Variants in GLI3 observed in about 807,000 individuals in gnomAD.
GLI3 encodes transcription activator GLI3.
Under a neutral mutation model 100.8 loss-of-function variants are expected in GLI3, and 20 were observed. That is an observed-to-expected ratio of 0.20 (90% CI 0.14 to 0.29). GLI3 has a LOEUF of 0.29. Among genes scored for constraint, GLI3 ranks in the 10% least tolerant of loss-of-function variants. The probability of loss-of-function intolerance (pLI) is 1.00; values close to 1 mark genes in which losing one functional copy is unlikely to be tolerated. For missense variants in GLI3, 2,040 were observed against 2,128.5 expected (o/e 0.96, Z 0.82); for synonymous variants, 938 against 860.5 (o/e 1.09, Z -1.58).
intron 14 of GLI3, 97 bp downstream of exon 14, chr7:41,967,499 C>T: frequency 1.2e-6 from 1 of 852,816 alleles, no homozygotes; most frequent in South Asian, 1.5e-5. Flanking sequence ...CATTTTAGGA[C>T]TGGTGGAGAA....
chr7:42,150,868 C>T (rs1260987011), intron 2 of GLI3, among the ~76,000 whole-genome samples: 1 of 152,136 alleles, frequency 6.6e-6, no homozygotes, highest in Non-Finnish European at 1.5e-5. Context: ...AGACTCTTCC[C>T]ACCATTCCCC....
chr7:42,026,648 A>G (rs1324475703), intron 7 of GLI3, among the ~76,000 whole-genome samples: 3 of 152,222 alleles, frequency 2.0e-5, no homozygotes, highest in Admixed American at 6.5e-5. Flanking sequence ...TTCTGCAAAA[A>G]CGGAAATAAA....
intron 2 of GLI3, among the ~76,000 whole-genome samples, chr7:42,216,686 T>TA (rs757849409): frequency 2.0e-4 from 30 of 152,162 alleles, no homozygotes; most frequent in Non-Finnish European, 4.0e-4. Flanking sequence ...ATTTTAAAAA[T>TA]AAAAAAATCT....
intron 4 of GLI3, among the ~76,000 whole-genome samples, chr7:42,054,378 T>G (rs941801254): frequency 6.6e-6 from 1 of 152,192 alleles, no homozygotes; most frequent in Non-Finnish European, 1.5e-5. Flanking sequence ...CATTACCCAT[T>G]ATGAGAGCAT....
chr7:42,127,894 C>T (rs1354983599), intron 3 of GLI3, among the ~76,000 whole-genome samples: 1 of 151,720 alleles, frequency 6.6e-6, no homozygotes, highest in African/African-American at 2.4e-5. Flanking sequence ...TGCCTGTGGT[C>T]CCAGCTACTC....
chr7:42,120,780 T>A (rs1489984064), intron 3 of GLI3, among the ~76,000 whole-genome samples: 1 of 152,238 alleles, frequency 6.6e-6, no homozygotes, highest in African/African-American at 2.4e-5. Context: ...TCTGATTTAA[T>A]CTTGTAAAGC....
chr7:42,174,880 C>T (rs546001464), intron 2 of GLI3, among the ~76,000 whole-genome samples: 1 of 152,172 alleles, frequency 6.6e-6, no homozygotes, highest in Non-Finnish European at 1.5e-5. Context: ...AACGTGGAAA[C>T]AGCAGTGGGC....
At chr7:42,211,020 G>C (rs1788261706) in intron 2 of GLI3, among the ~76,000 whole-genome samples, 1 of 152,258 alleles carries the variant, frequency 6.6e-6, no homozygotes, top group Non-Finnish European at 1.5e-5. Flanking sequence ...CATGTAGACA[G>C]ACAACTGAGA....
chr7:42,263,446 T>A (rs1375364017), intron 1 of GLI3, among the ~76,000 whole-genome samples: 2 of 62,250 alleles, frequency 3.2e-5, no homozygotes, highest in South Asian at 5.0e-4. Context: ...TACCTTATTT[T>A]ATTTATTTTT....
chr7:42,223,215 C>T lies in GLI3; in HGVS notation c.39G>A (p.Lys13=). The T allele has an allele frequency of 6.2e-7, 1 of 1,613,766 alleles. No homozygotes were observed. The highest frequency in any genetic ancestry group is 8.5e-7 in the Non-Finnish European group (1 of 1,179,850). ...TCACTATGGAATTCTCAACTTTTTT[C>T]TTTTCAGTGGTCGTGGAGCTGTGGG... ...AQSHSSTTTE[K]KKVENSIVKC... is the part of the protein sequence containing the mutation. The change falls in exon 2 of 15, where the codon AAG becomes AAA. Residue 13 remains lysine (K), a synonymous_variant. Transcript: ENST00000395925.
intron 1 of GLI3, among the ~76,000 whole-genome samples, chr7:42,252,874 A>T (rs913266742): frequency 6.6e-6 from 1 of 152,188 alleles, no homozygotes; most frequent in Non-Finnish European, 1.5e-5. Context: ...GTCACCATCA[A>T]TGAGAAATTT....
Position 41,972,097 on chromosome 7 carries a change from C to T in GLI3, c.2103+240G>A, listed in dbSNP as rs1349708948. On this transcript the variant is annotated intron_variant, in intron 13 of 14. Transcript: ENST00000395925. The surrounding 1 kb of genome is among the most constrained non-coding windows in gnomAD (Gnocchi z 4.4). ...GAGACAGACAGTCGTGTCTTTCTTC[C>T]TTCCATGGCACAGTGGTATGGTTCT... 2.6e-5 allele frequency among the ~76,000 whole-genome samples: 4 copies of T among 152,222 alleles called. No individual in the cohort carries two copies. The highest frequency in any genetic ancestry group is 5.9e-5 in the Non-Finnish European group (4 of 68,034).
At chr7:42,170,266 TTATA>T (rs148558582) in intron 2 of GLI3, among the ~76,000 whole-genome samples, 7,499 of 137,566 alleles carry the variant, frequency 0.055, 210 homozygotes, top group Admixed American at 0.1. Flanking sequence ...AAAAAAAAAA[TTATA>T]TATATATATA....
intron 10 of GLI3, among the ~76,000 whole-genome samples, chr7:42,000,549 C>T (rs1015436629): frequency 2.0e-5 from 3 of 151,990 alleles, no homozygotes; most frequent in South Asian, 4.2e-4. Context: ...ACTAAAGACT[C>T]GGTAAAAGCA....
intron 3 of GLI3, among the ~76,000 whole-genome samples, chr7:42,085,572 C>T (rs1013406425): frequency 1.3e-5 from 2 of 152,022 alleles, no homozygotes; most frequent in African/African-American, 4.8e-5. Flanking sequence ...AATGATCTAC[C>T]CAGTGTTGCA....
chr7:42,031,804 C>T (rs1441340237), intron 7 of GLI3, among the ~76,000 whole-genome samples: 1 of 152,078 alleles, frequency 6.6e-6, no homozygotes, highest in African/African-American at 2.4e-5. Context: ...AGTTTCATCT[C>T]CATATTCAGC....
At chr7:42,175,647 C>G (rs1017734970) in intron 2 of GLI3, among the ~76,000 whole-genome samples, 1 of 151,746 alleles carries the variant, frequency 6.6e-6, no homozygotes, top group Non-Finnish European at 1.5e-5. Context: ...ACAGTAGTCT[C>G]TCTTACAAAA....
intron 10 of GLI3, among the ~76,000 whole-genome samples, chr7:42,009,016 T>C (rs938076942): frequency 1.7e-4 from 26 of 152,176 alleles, no homozygotes; most frequent in Non-Finnish European, 7.3e-5. Flanking sequence ...GTACACCAAA[T>C]TGTTATGCAG....
intron 3 of GLI3, among the ~76,000 whole-genome samples, chr7:42,132,179 C>T (rs1439901895): frequency 1.3e-5 from 2 of 152,060 alleles, no homozygotes; most frequent in Non-Finnish European, 2.9e-5. Context: ...CGGCTCACTG[C>T]AAGCTCCGCC....
Sources: gnomAD v4.1 joint callset for allele counts (sites outside exome capture counted in the v4.1 genomes callset) on GRCh38, gnomAD v4.1.1 for gene constraint, Gnocchi (gnomAD v3.1) non-coding constraint, MANE v1.5 for transcripts, NCBI Gene and HGNC (gene_info 2026-07-23, HGNC 2026-07-21) for gene names.